The following SSBP3 variants were observed in gnomAD, a reference collection of about 807,000 sequenced individuals.
SSBP3 encodes single-stranded DNA-binding protein 3.
A neutral mutation model predicts 69.6 loss-of-function variants in SSBP3; 5 were observed. That is an observed-to-expected ratio of 0.07 (90% confidence interval 0.04 to 0.15). The LOEUF (loss-of-function observed/expected upper bound fraction) is 0.15. SSBP3 is among the 10% of genes least tolerant of loss of function. SSBP3 has a pLI of 1.00. For missense variants in SSBP3, 312 were observed against 534.0 expected, an observed-to-expected ratio of 0.58 and a Z score of 4.10; for synonymous variants, 196 against 193.4, an observed-to-expected ratio of 1.01 and a Z score of -0.11.
intron 4 of SSBP3, among the ~76,000 whole-genome samples, chr1:54,396,201 A>G (rs1289044411): frequency 1.6e-5 from 2 of 126,742 alleles, no homozygotes; most frequent in African/African-American, 5.1e-5. Context: ...CAGAAAAAAA[A>G]AAAAAAAAAA....
intron 4 of SSBP3, among the ~76,000 whole-genome samples, chr1:54,300,581 G>T (rs2100996708): frequency 6.6e-6 from 1 of 152,334 alleles, no homozygotes; most frequent in Admixed American, 6.5e-5. Context: ...CCAAAGAAAG[G>T]AAGGATTATT....
intron 4 of SSBP3, among the ~76,000 whole-genome samples, chr1:54,352,376 C>G (rs1646794111): frequency 6.6e-6 from 1 of 152,170 alleles, no homozygotes; most frequent in African/African-American, 2.4e-5. Context: ...CCAAATGGAT[C>G]CAAACTTCTT....
At chr1:54,317,243 A>T (rs1203427101) in intron 4 of SSBP3, among the ~76,000 whole-genome samples, 1 of 152,256 alleles carries the variant, frequency 6.6e-6, no homozygotes, top group African/African-American at 2.4e-5. Context: ...TATTTATCAA[A>T]AGAAAAAGCA....
Position 54,256,298 on chromosome 1 carries a change from C to T in SSBP3, c.507+829G>A, listed in dbSNP as rs537070096. Among the ~76,000 whole-genome samples the T allele has an allele frequency of 4.9e-4, 74 of 152,210 alleles. 1 individual carries two copies. In the South Asian group the frequency reaches 0.014, roughly 29 times the overall value. On this transcript the variant is annotated intron_variant, in intron 7 of 17. Transcript: ENST00000610401. ...TTTTGAAGGGCTTTTGCAAAGTCAC[C>T]GAAATAATTCTGTTTTAAAAAATTG...
At chr1:54,381,402 A>C (rs932012297) in intron 4 of SSBP3, among the ~76,000 whole-genome samples, 6 of 151,446 alleles carry the variant, frequency 4.0e-5, no homozygotes, top group African/African-American at 7.3e-5. Flanking sequence ...AAAAAAAAAA[A>C]AAAAAGAGAG....
intron 14 of SSBP3, 198 bp downstream of exon 14, chr1:54,238,931 C>T: frequency 2.5e-6 from 1 of 397,658 alleles, no homozygotes; most frequent in Non-Finnish European, 5.0e-6. Flanking sequence ...TCGTCCCACC[C>T]CTTCCTCTCC....
At chr1:54,318,277 T>C (rs1180587685) in intron 4 of SSBP3, among the ~76,000 whole-genome samples, 1 of 152,170 alleles carries the variant, frequency 6.6e-6, no homozygotes, top group African/African-American at 2.4e-5. Flanking sequence ...AGGCTTTATA[T>C]ATGCAATGTG....
chr1:54,353,069 C>T (rs1646807849), intron 4 of SSBP3, among the ~76,000 whole-genome samples: 1 of 152,208 alleles, frequency 6.6e-6, no homozygotes, highest in South Asian at 2.1e-4. Flanking sequence ...TCATGCCATC[C>T]CCTTGGTTTC....
intron 3 of SSBP3, among the ~76,000 whole-genome samples, chr1:54,403,825 C>T (rs1003477498): frequency 2.0e-5 from 3 of 152,128 alleles, no homozygotes; most frequent in African/African-American, 4.8e-5. Flanking sequence ...CAACTGGCTC[C>T]GGCTGACCCT....
intron 7 of SSBP3, among the ~76,000 whole-genome samples, chr1:54,253,159 T>C (rs374446183): frequency 3.3e-5 from 5 of 150,610 alleles, no homozygotes; most frequent in South Asian, 4.2e-4. Context: ...CGAAGTAGAA[T>C]TGGTATTTGT....
At position 54,281,422 on chromosome 1, in the gene SSBP3, C is replaced by T. The variant is rs754779170; in HGVS notation, c.366+16G>A. Reference sequence around the variant, plus strand: ...AATACAAGGTGGAGCACAAGACCCACGGGCCCCGCACGTACCTGAAAGAAA... The same window carrying T: ...AATACAAGGTGGAGCACAAGACCCATGGGCCCCGCACGTACCTGAAAGAAA... On this transcript the variant is annotated intron_variant, in intron 5 of 17. Coordinates refer to ENST00000610401, the Ensembl canonical transcript of SSBP3. 35 of 1,547,162 alleles carry T rather than the reference C, an allele frequency of 2.3e-5. No homozygotes were observed. The highest frequency in any genetic ancestry group is 3.9e-5 in the Admixed American group (2 of 50,776).
intron 7 of SSBP3, among the ~76,000 whole-genome samples, chr1:54,254,812 T>C (rs682232): frequency 0.064 from 9,700 of 152,118 alleles, 331 homozygotes; most frequent in Non-Finnish European, 0.069. Flanking sequence ...GGAAAACCAG[T>C]GTGGATTTCT....
chr1:54,331,308 G>A (rs1001000503), intron 4 of SSBP3, among the ~76,000 whole-genome samples: 3 of 152,078 alleles, frequency 2.0e-5, no homozygotes, highest in Non-Finnish European at 2.9e-5. Context: ...CTACAGTCTC[G>A]GATATCCTTG....
chr1:54,257,360 T>C (rs1279621100), intron 6 of SSBP3, 174 bp from the exon 7 acceptor site: 8 of 546,532 alleles, frequency 1.5e-5, no homozygotes, highest in African/African-American at 4.0e-5. Flanking sequence ...GAGGGAACAA[T>C]AGATCCACAC....
At chr1:54,294,862 G>T (rs1645676903) in intron 4 of SSBP3, among the ~76,000 whole-genome samples, 2 of 152,104 alleles carry the variant, frequency 1.3e-5, no homozygotes, top group Non-Finnish European at 2.9e-5. Flanking sequence ...AGGAAAAAGG[G>T]GCTTGGACAA....
intron 4 of SSBP3, among the ~76,000 whole-genome samples, chr1:54,316,795 T>C (rs865884309): frequency 1.7e-4 from 26 of 152,108 alleles, no homozygotes; most frequent in African/African-American, 6.0e-4. Flanking sequence ...TTATAAATAA[T>C]AGAAATGTAT....
At chr1:54,235,312 C>T (rs1446039530) in intron 14 of SSBP3, among the ~76,000 whole-genome samples, 4 of 138,076 alleles carry the variant, frequency 2.9e-5, no homozygotes, top group African/African-American at 8.0e-5. Flanking sequence ...GACAGAGTCT[C>T]ACTCTGCTGC....
chr1:54,392,325 T>C (rs762929364), intron 4 of SSBP3, among the ~76,000 whole-genome samples: 1 of 152,236 alleles, frequency 6.6e-6, no homozygotes. Context: ...CCAAGTCACT[T>C]AACTTGTAGG....
At chr1:54,280,668 A>C (rs1373556008) in intron 5 of SSBP3, among the ~76,000 whole-genome samples, 1 of 152,236 alleles carries the variant, frequency 6.6e-6, no homozygotes, top group Non-Finnish European at 1.5e-5. Context: ...GGCATTCCCC[A>C]GTCTCAAGTT....
Sources: allele counts gnomAD v4.1 joint callset (sites outside exome capture counted in the v4.1 genomes callset), GRCh38; gene constraint gnomAD v4.1.1; transcripts MANE v1.5; gene names NCBI Gene and HGNC (gene_info 2026-07-23, HGNC 2026-07-21).